Variants in TTLL5 observed in about 807,000 individuals in gnomAD.
TTLL5 encodes the protein tubulin polyglutamylase TTLL5.
Under a neutral mutation model 168.4 loss-of-function variants are expected in TTLL5, and 132 were observed. That is an observed-to-expected ratio of 0.78 (90% CI 0.68 to 0.91). The LOEUF is 0.91. Ranked by LOEUF, TTLL5 falls within the 40% of genes least tolerant of loss-of-function variation. The pLI, the probability that TTLL5 is intolerant of heterozygous loss-of-function variation, is 0.00. For missense variants in TTLL5, 1,545 were observed against 1,581.5 expected (o/e 0.98, Z 0.39); for synonymous variants, 546 against 558.6 (o/e 0.98, Z 0.32).
chr14:75,893,394 A>G (rs1208523361), intron 30 of TTLL5, among the ~76,000 whole-genome samples: 1 of 152,242 alleles, frequency 6.6e-6, no homozygotes, highest in African/African-American at 2.4e-5. Flanking sequence ...TGCGTAAATG[A>G]CAAAGGAACA....
chr14:75,773,927 T>TATATATATATATATATAGAG (rs1354936334), intron 21 of TTLL5, among the ~76,000 whole-genome samples: 1 of 21,130 alleles, frequency 4.7e-5, no homozygotes, highest in African/African-American at 1.5e-4. Context: ...TATATATATA[T>TATATATATATATATATAGAG]AGAGAGAGAG....
intron 20 of TTLL5, among the ~76,000 whole-genome samples, chr14:75,769,355 AC>A (rs1891147075): frequency 6.6e-6 from 1 of 152,204 alleles, no homozygotes; most frequent in Non-Finnish European, 1.5e-5. Flanking sequence ...TATCTTATAT[AC>A]TGAGCATCTG....
chr14:75,902,294 C>G, intron 31 of TTLL5, 70 bp downstream of exon 31: 2 of 1,488,886 alleles, frequency 1.3e-6, no homozygotes, highest in Non-Finnish European at 1.9e-6. Flanking sequence ...CACATTCTCT[C>G]TTCTGCCTCC....
At chr14:75,733,912 T>C (rs1373350589) in intron 13 of TTLL5, 77 bp from the exon 14 acceptor site, 1 of 1,398,906 alleles carries the variant, frequency 7.1e-7, no homozygotes, top group Non-Finnish European at 1.0e-6. Context: ...CTTTGCTATA[T>C]TGGGACCCAT....
At chr14:75,946,920 G>A (rs2034793579) in intron 31 of TTLL5, among the ~76,000 whole-genome samples, 1 of 152,216 alleles carries the variant, frequency 6.6e-6, no homozygotes, top group South Asian at 2.1e-4. Context: ...CATGCCTGGA[G>A]GGAGGGATGT....
intron 29 of TTLL5, among the ~76,000 whole-genome samples, chr14:75,879,267 T>C (rs1039724184): frequency 6.6e-6 from 1 of 152,236 alleles, no homozygotes; most frequent in Non-Finnish European, 1.5e-5. Flanking sequence ...ATTGAGTAAA[T>C]ATGATCTGGG....
At chr14:75,735,313 G>A (rs950794489) in intron 15 of TTLL5, 24 bp downstream of exon 15, 4 of 1,610,544 alleles carry the variant, frequency 2.5e-6, no homozygotes, top group Non-Finnish European at 3.4e-6. Context: ...ACAGCAGGGA[G>A]CCTGAAGGAG....
chr14:75,926,087 G>GCC (rs572110773), intron 31 of TTLL5, among the ~76,000 whole-genome samples: 2 of 147,606 alleles, frequency 1.4e-5, no homozygotes, highest in African/African-American at 2.6e-5. Context: ...TGGGCCGTGG[G>GCC]GAGAGGGAGA....
chr14:75,782,808 G>A (rs1892134427), intron 25 of TTLL5, among the ~76,000 whole-genome samples: 1 of 152,166 alleles, frequency 6.6e-6, no homozygotes, highest in Non-Finnish European at 1.5e-5. Context: ...GTTCCTAGAA[G>A]GGTGAAAAGA....
intron 13 of TTLL5, among the ~76,000 whole-genome samples, chr14:75,732,935 A>G (rs1888635919): frequency 6.6e-6 from 1 of 152,228 alleles, no homozygotes; most frequent in Admixed American, 6.5e-5. Flanking sequence ...TGTTTAGAAG[A>G]AAAGAAACAT....
chr14:75,751,441 C>T (rs938847156), intron 17 of TTLL5, among the ~76,000 whole-genome samples: 1 of 152,150 alleles, frequency 6.6e-6, no homozygotes, highest in Non-Finnish European at 1.5e-5. Flanking sequence ...ATTCTTTGAA[C>T]ACAAACACTG....
At chr14:75,662,576 TGATCC>T (rs1890815874) in intron 1 of TTLL5, among the ~76,000 whole-genome samples, 1 of 151,010 alleles carries the variant, frequency 6.6e-6, no homozygotes. Context: ...CGACCTCAGG[TGATCC>T]GCCCGCCTTG....
intron 30 of TTLL5, among the ~76,000 whole-genome samples, chr14:75,890,257 G>A (rs2032335462): frequency 6.6e-6 from 1 of 152,098 alleles, no homozygotes; most frequent in Non-Finnish European, 1.5e-5. Flanking sequence ...GTTAGAAAAG[G>A]AACCATAAAA....
chr14:75,909,578 T>C (rs2033285021), intron 31 of TTLL5, among the ~76,000 whole-genome samples: 1 of 152,120 alleles, frequency 6.6e-6, no homozygotes, highest in Non-Finnish European at 1.5e-5. Flanking sequence ...TGTTTTTGTT[T>C]TCCTCCTGTG....
chr14:75,754,846 A>G (rs1203145383), intron 18 of TTLL5, among the ~76,000 whole-genome samples: 1 of 152,232 alleles, frequency 6.6e-6, no homozygotes, highest in Non-Finnish European at 1.5e-5. Flanking sequence ...TATGGAGGAA[A>G]TGCTAAATTT....
At chr14:75,756,137 A>G (rs1053871352) in intron 18 of TTLL5, among the ~76,000 whole-genome samples, 11 of 152,324 alleles carry the variant, frequency 7.2e-5, no homozygotes, top group African/African-American at 2.4e-4. Flanking sequence ...TGATTACCTG[A>G]CAATATCAGG....
At chr14:75,809,707 A>G (rs1456304475) in intron 27 of TTLL5, among the ~76,000 whole-genome samples, 4 of 151,982 alleles carry the variant, frequency 2.6e-5, no homozygotes, top group Non-Finnish European at 4.4e-5. Context: ...ATGAATCAAT[A>G]TCTCTTCTCC....
intron 31 of TTLL5, among the ~76,000 whole-genome samples, chr14:75,923,466 T>C (rs2140143506): frequency 6.6e-6 from 1 of 152,352 alleles, no homozygotes; most frequent in Middle Eastern, 3.4e-3. Flanking sequence ...TTTTGTTATT[T>C]ACCCAGTAGT....
intron 31 of TTLL5, among the ~76,000 whole-genome samples, chr14:75,951,810 T>C (rs2034970306): frequency 6.6e-6 from 1 of 152,204 alleles, no homozygotes; most frequent in East Asian, 1.9e-4. Flanking sequence ...GGTGAAGATG[T>C]TTGTAATACA....
Sources: allele counts gnomAD v4.1 joint callset (sites outside exome capture counted in the v4.1 genomes callset), GRCh38; gene constraint gnomAD v4.1.1; transcripts MANE v1.5; gene names NCBI Gene and HGNC (gene_info 2026-07-23, HGNC 2026-07-21).